PKP4: variants seen among roughly 807,000 people sequenced by gnomAD.
PKP4 encodes plakophilin-4.
A neutral mutation model predicts 145.1 loss-of-function variants in PKP4; 90 were observed. The ratio of observed to expected loss-of-function variants is 0.62; its 90% CI spans 0.52 to 0.74. The LOEUF is 0.74. Ranked by LOEUF, PKP4 falls within the 30% of genes least tolerant of loss-of-function variation. The pLI is 0.00. For synonymous variants in PKP4, 563 were observed against 577.2 expected (o/e 0.98, Z 0.35); for missense variants, 1,340 against 1,482.7 (o/e 0.90, Z 1.58).
chr2:158,514,695 C>T (rs1010350077), intron 1 of PKP4, among the ~76,000 whole-genome samples: 1 of 152,180 alleles, frequency 6.6e-6, no homozygotes. Context: ...AATCCCAGCA[C>T]TTTGGGAGGT....
chr2:158,556,523 CTTTTTT>C (rs11378372), intron 2 of PKP4, among the ~76,000 whole-genome samples: 1 of 144,314 alleles, frequency 6.9e-6, no homozygotes, highest in Non-Finnish European at 1.5e-5. Flanking sequence ...CTCTTTCTCT[CTTTTTT>C]TTTTTTTTTA....
At position 158,634,095 on chromosome 2, in the gene PKP4, A is replaced by T; in HGVS notation, c.1368A>T (p.Thr456=). ...GSVGIGNLQR[T]SSQRSTLTYQ... ...TAGGTATTGGAAATCTACAAAGGAC[A>T]TCCAGCCAACGAAGTACCCTTACAT... The change falls in exon 9 of 22, where the codon ACA becomes ACT. Residue 456 remains threonine (T), a synonymous_variant. Coordinates refer to ENST00000389759, the MANE Select transcript of PKP4 (RefSeq NM_003628.6). 6.2e-7 allele frequency: 1 copy of T among 1,612,152 alleles called. No individual in the cohort carries two copies. The highest frequency in any genetic ancestry group is 8.5e-7 in the Non-Finnish European group (1 of 1,178,110).
At chr2:158,501,856 A>G (rs1696632353) in intron 1 of PKP4, among the ~76,000 whole-genome samples, 1 of 145,492 alleles carries the variant, frequency 6.9e-6, no homozygotes, top group Non-Finnish European at 1.5e-5. Context: ...TGTTTAAGGC[A>G]GGTGGCCTTG....
At chr2:158,651,882 G>C (rs1161472208) in intron 11 of PKP4, among the ~76,000 whole-genome samples, 1 of 151,958 alleles carries the variant, frequency 6.6e-6, no homozygotes, top group East Asian at 1.9e-4. Flanking sequence ...TGGCACACAG[G>C]ATATTCAAGC....
At chr2:158,642,086 A>T (rs111829781) in intron 10 of PKP4, among the ~76,000 whole-genome samples, 11,872 of 152,162 alleles carry the variant, frequency 0.078, 667 homozygotes, top group Middle Eastern at 0.22. Context: ...CAGTGGTGCA[A>T]TCTTGGCTCA....
chr2:158,630,805 T>C (rs2053271883), intron 7 of PKP4, among the ~76,000 whole-genome samples: 1 of 152,256 alleles, frequency 6.6e-6, no homozygotes, highest in Non-Finnish European at 1.5e-5. Flanking sequence ...TAAGTCATTC[T>C]CTGTTTGATC....
chr2:158,460,983 T>C (rs973731913), intron 1 of PKP4, among the ~76,000 whole-genome samples: 5 of 152,192 alleles, frequency 3.3e-5, no homozygotes, highest in Admixed American at 6.5e-5. Context: ...ACTTTTAAGA[T>C]ACGTGGATGT....
intron 2 of PKP4, among the ~76,000 whole-genome samples, chr2:158,569,105 C>G (rs1458121816): frequency 2.0e-5 from 3 of 152,170 alleles, no homozygotes; most frequent in Non-Finnish European, 4.4e-5. Flanking sequence ...TACCCCCAAA[C>G]CTCTCCTCCT....
At chr2:158,621,905 G>A (rs567527414) in intron 6 of PKP4, among the ~76,000 whole-genome samples, 12 of 152,216 alleles carry the variant, frequency 7.9e-5, no homozygotes, top group Non-Finnish European at 1.8e-4. Context: ...AAATATGTTT[G>A]TTTCTATGAG....
intron 15 of PKP4, among the ~76,000 whole-genome samples, chr2:158,665,543 AT>A (rs2057004737): frequency 6.6e-6 from 1 of 152,214 alleles, no homozygotes; most frequent in African/African-American, 2.4e-5. Flanking sequence ...AGGAAAGTAT[AT>A]GTTTTATGAG....
intron 11 of PKP4, among the ~76,000 whole-genome samples, chr2:158,653,879 T>A (rs3771673): frequency 6.6e-5 from 10 of 152,084 alleles, no homozygotes; most frequent in Middle Eastern, 3.2e-3. Flanking sequence ...TATTCATTAC[T>A]TACTGCCCTA....
At chr2:158,501,157 C>G (rs1038371124) in intron 1 of PKP4, among the ~76,000 whole-genome samples, 2 of 152,156 alleles carry the variant, frequency 1.3e-5, no homozygotes, top group Non-Finnish European at 2.9e-5. Flanking sequence ...CCCTATTTTG[C>G]TGTACCAGGC....
intron 11 of PKP4, among the ~76,000 whole-genome samples, chr2:158,655,110 T>C (rs977741190): frequency 6.6e-6 from 1 of 152,210 alleles, no homozygotes; most frequent in African/African-American, 2.4e-5. Context: ...AGGTATTATA[T>C]GTAAAGCACA....
chr2:158,568,890 T>G (rs1375843787), intron 2 of PKP4, among the ~76,000 whole-genome samples: 1 of 152,068 alleles, frequency 6.6e-6, no homozygotes, highest in African/African-American at 2.4e-5. Flanking sequence ...CAATAATCGC[T>G]TGAACCCCGG....
chr2:158,607,716 A>G (rs1038509882), intron 4 of PKP4, among the ~76,000 whole-genome samples: 2 of 152,162 alleles, frequency 1.3e-5, no homozygotes, highest in African/African-American at 4.8e-5. Context: ...CAGTCTATAC[A>G]CTGGCTGAAC....
At position 158,620,522 on chromosome 2, in the gene PKP4, G is replaced by GT. The variant is rs150125505; in HGVS notation, c.281-467dup. Among the ~76,000 whole-genome samples, 646 of 152,304 alleles carry GT rather than the reference G, an allele frequency of 4.2e-3. 12 individuals carry two copies. Among genetic ancestry groups the GT allele is most frequent in the East Asian group, 6.8e-3 (35 of 5,182 alleles). On this transcript the variant is annotated intron_variant, in intron 4 of 21. Transcript: ENST00000389759. ...AACTTTGTATAGAGTTCCTTTGACT[G>GT]TAAGTGACATGAAATATAACATAAA...
At chr2:158,533,457 C>A in intron 2 of PKP4, 141 bp downstream of exon 2, 2 of 1,011,788 alleles carry the variant, frequency 2.0e-6, no homozygotes, top group Non-Finnish European at 3.0e-6. Flanking sequence ...TCCCTGAGTA[C>A]ATTGGGATGA....
At position 158,640,523 on chromosome 2, in the gene PKP4, C is replaced by G. The variant is rs368410409; in HGVS notation, c.1563-104C>G. 1.6e-4 allele frequency: 195 copies of G among 1,250,190 alleles called. 4 individuals carry two copies. The South Asian group carries it at 2.2e-3, about 14-fold the overall frequency. 77.4% of individuals were successfully genotyped at this position (1,250,190 alleles called of 1,614,324 possible). ...ATTTTTTAGGATTTTTGTAACTTCC[C>G]ATTTTTGTCTCAGCTGAGCTTTTTT... On this transcript the variant is annotated intron_variant, in intron 9 of 21. Transcript: ENST00000389759.
intron 11 of PKP4, among the ~76,000 whole-genome samples, chr2:158,643,727 AAG>A (rs1249056352): frequency 4.7e-5 from 7 of 148,056 alleles, no homozygotes; most frequent in Admixed American, 1.3e-4. Flanking sequence ...AAAAAAAAAA[AAG>A]AAAAGAAAAC....
Sources: allele counts gnomAD v4.1 joint callset (sites outside exome capture counted in the v4.1 genomes callset), GRCh38; gene constraint gnomAD v4.1.1; transcripts MANE v1.5; gene names NCBI Gene and HGNC (gene_info 2026-07-23, HGNC 2026-07-21).